RANBP2: variants seen among roughly 807,000 people sequenced by gnomAD.
The protein encoded by RANBP2 is RAN binding protein 2, also known as E3 SUMO-protein ligase RanBP2.
In RANBP2, 57 loss-of-function variants were observed where a neutral mutation model predicts 303.6. The ratio of observed to expected loss-of-function variants is 0.19; its 90% CI spans 0.15 to 0.23. The LOEUF is 0.23. Among genes scored for constraint, RANBP2 ranks in the 10% least tolerant of loss-of-function variants. RANBP2 has a pLI of 1.00. For missense variants in RANBP2, 3,138 were observed against 3,780.8 expected, an observed-to-expected ratio of 0.83 and a Z score of 4.46; for synonymous variants, 1,167 against 1,301.5, an observed-to-expected ratio of 0.90 and a Z score of 2.23.
the RANBP2 span, among the ~76,000 whole-genome samples, chr2:108,829,912 A>G: frequency 6.6e-6 from 1 of 152,214 alleles, no homozygotes; most frequent in African/African-American, 2.4e-5. Flanking sequence ...ATGCAGTTTT[A>G]CTTCTGGATA....
At chr2:109,564,892 T>C in the RANBP2 span, among the ~76,000 whole-genome samples, 1 of 152,224 alleles carries the variant, frequency 6.6e-6, no homozygotes, top group Non-Finnish European at 1.5e-5. Flanking sequence ...TTTCACATAA[T>C]GTTTAAAGAG....
chr2:109,692,921 C>T, the RANBP2 span, among the ~76,000 whole-genome samples: 3 of 149,422 alleles, frequency 2.0e-5, no homozygotes, highest in Middle Eastern at 3.6e-3. Flanking sequence ...CGGGTTCAAG[C>T]GATTCTCGTG....
At chr2:109,581,648 C>T in the RANBP2 span, among the ~76,000 whole-genome samples, 3 of 151,978 alleles carry the variant, frequency 2.0e-5, no homozygotes, top group Non-Finnish European at 2.9e-5. Flanking sequence ...TTCACAGAAT[C>T]GTATTTATAT....
chr2:109,362,001 G>A, the RANBP2 span, among the ~76,000 whole-genome samples: 1 of 151,758 alleles, frequency 6.6e-6, no homozygotes, highest in East Asian at 1.9e-4. Context: ...GATTTTTATT[G>A]ATCTTTTTAA....
chr2:109,027,386 G>T, the RANBP2 span, among the ~76,000 whole-genome samples: 1 of 152,044 alleles, frequency 6.6e-6, no homozygotes, highest in Non-Finnish European at 1.5e-5. Context: ...CCTTTGTGGA[G>T]TCTTCAAGGG....
the RANBP2 span, among the ~76,000 whole-genome samples, chr2:109,420,645 C>T: frequency 2.0e-5 from 3 of 152,146 alleles, no homozygotes; most frequent in African/African-American, 7.2e-5. Context: ...TGGGGTTTCA[C>T]CGTGTTAGCC....
At chr2:109,419,382 C>T in the RANBP2 span, among the ~76,000 whole-genome samples, 1 of 152,338 alleles carries the variant, frequency 6.6e-6, no homozygotes. Flanking sequence ...CAGGCTCCCT[C>T]CCATGACAGT....
chr2:109,356,654 G>A, the RANBP2 span, among the ~76,000 whole-genome samples: 3 of 152,180 alleles, frequency 2.0e-5, no homozygotes, highest in Non-Finnish European at 4.4e-5. Flanking sequence ...GACGTGATGA[G>A]GAGCAACCTG....
At chr2:109,219,009 C>G in the RANBP2 span, among the ~76,000 whole-genome samples, 3 of 152,340 alleles carry the variant, frequency 2.0e-5, no homozygotes, top group East Asian at 5.8e-4. Flanking sequence ...TGGGCACTGA[C>G]CTCTCTTTCT....
the RANBP2 span, among the ~76,000 whole-genome samples, chr2:108,865,850 A>T: frequency 6.6e-6 from 1 of 152,120 alleles, no homozygotes; most frequent in Non-Finnish European, 1.5e-5. Flanking sequence ...CAACACCCCA[A>T]ATTGCCATGA....
chr2:108,785,008 T>C lies in RANBP2; in HGVS notation c.*1107T>C, dbSNP rs1374670169. The C allele has an allele frequency of 6.6e-6, 1 of 152,216 alleles. No individual in the cohort carries two copies. Among genetic ancestry groups the C allele is most frequent in the African/African-American group, 2.4e-5 (1 of 41,462 alleles). 9.4% of individuals were successfully genotyped at this position (152,216 alleles called of 1,614,324 possible). ...GATGTTCTTATTGGCCTACTCAATA[T>C]GGAACTACAAAGAATCCAGGTAGAA... On this transcript the variant is annotated 3_prime_UTR_variant, in exon 29 of 29. Coordinates refer to ENST00000283195, the MANE Select transcript of RANBP2 (RefSeq NM_006267.5).
downstream of RANBP2, chr2:108,789,060 G>T: frequency 2.3e-6 from 3 of 1,325,618 alleles, no homozygotes; most frequent in South Asian, 1.3e-5. Context: ...GCTCTTTCCT[G>T]AGGACAAGTA....
At chr2:109,375,166 C>T in the RANBP2 span, among the ~76,000 whole-genome samples, 1 of 152,260 alleles carries the variant, frequency 6.6e-6, no homozygotes, top group Non-Finnish European at 1.5e-5. Flanking sequence ...CTTGCTGCCC[C>T]TGGGCACTGA....
chr2:109,447,090 G>T, the RANBP2 span, among the ~76,000 whole-genome samples: 1 of 146,716 alleles, frequency 6.8e-6, no homozygotes, highest in South Asian at 2.2e-4. Flanking sequence ...ATGTGGAGCT[G>T]TGTTGGGTTA....
Position 108,764,519 on chromosome 2 carries a change from C to G in RANBP2, c.3980C>G (p.Thr1327Arg). ...NQAVRIVKEP[T>R]SHDNKDICKS... Reference sequence around the variant, plus strand: ...GCTGTCAGAATTGTAAAAGAACCCACAAGTCATGATAACAAGGATATTTGC... The same window carrying G: ...GCTGTCAGAATTGTAAAAGAACCCAGAAGTCATGATAACAAGGATATTTGC... Residue 1327 changes from threonine to arginine, a missense_variant, in exon 20 of 29, where the codon ACA (threonine) becomes AGA (arginine). Around this residue, in one of 20 missense-constraint regions of RANBP2, gnomAD observed 388 missense variants for 328.5 expected, o/e 1.18. Coordinates refer to ENST00000283195, the MANE Select transcript of RANBP2 (RefSeq NM_006267.5). The G allele has an allele frequency of 6.2e-7, 1 of 1,613,928 alleles. No homozygotes were observed. The highest frequency in any genetic ancestry group is 1.3e-5 in the African/African-American group (1 of 74,984).
the RANBP2 span, among the ~76,000 whole-genome samples, chr2:109,651,164 A>G: frequency 2.0e-5 from 3 of 152,176 alleles, no homozygotes; most frequent in East Asian, 3.9e-4. Context: ...CCTATCTCAA[A>G]ATGAGTTACA....
At chr2:109,336,007 G>C in the RANBP2 span, among the ~76,000 whole-genome samples, 2 of 152,224 alleles carry the variant, frequency 1.3e-5, no homozygotes, top group Non-Finnish European at 2.9e-5. Flanking sequence ...GCTGATTTAA[G>C]TGACTGGCAA....
chr2:109,005,932 G>T, the RANBP2 span, among the ~76,000 whole-genome samples: 1 of 152,170 alleles, frequency 6.6e-6, no homozygotes, highest in Non-Finnish European at 1.5e-5. Context: ...CTTCGGAGTC[G>T]TGGAGCTGCC....
rs868553737 is a variant in RANBP2, at chr2:108,771,991, A to G, written c.8020+120A>G. 93 of 1,248,318 alleles carry G rather than the reference A, an allele frequency of 7.5e-5. No individual in the cohort carries two copies. The Middle Eastern group carries it at 3.9e-3, about 52-fold the overall frequency. 77.3% of individuals were successfully genotyped at this position (1,248,318 alleles called of 1,614,324 possible). A position where few individuals can be genotyped will look rare whatever the true frequency, so the allele number is the denominator to read the frequency against. On this transcript the variant is annotated intron_variant, in intron 21 of 28. Transcript: ENST00000283195. Reference sequence around the variant, plus strand: ...TTATCACTAATATCCTTGCAGGTAGATATTTACCCTAAATGTATGTGTAAA... The same window carrying G: ...TTATCACTAATATCCTTGCAGGTAGGTATTTACCCTAAATGTATGTGTAAA...
Sources: gnomAD v4.1 joint callset for allele counts (sites outside exome capture counted in the v4.1 genomes callset) on GRCh38, gnomAD v4.1.1 for gene constraint, gnomAD v4.1.1 regional missense constraint, MANE v1.5 for transcripts, NCBI Gene and HGNC (gene_info 2026-07-23, HGNC 2026-07-21) for gene names.